KCNQ1: variants seen among roughly 807,000 people sequenced by gnomAD.
KCNQ1 encodes potassium voltage-gated channel subfamily Q member 1.
Under a neutral mutation model 72.4 loss-of-function variants are expected in KCNQ1, and 49 were observed. The observed-to-expected ratio is 0.68, with a 90% confidence interval of 0.54 to 0.86. The LOEUF is 0.86. KCNQ1 is among the 40% of genes least tolerant of loss of function. KCNQ1 has a pLI of 0.00. For synonymous variants in KCNQ1, 450 were observed against 412.6 expected (o/e 1.09, Z -1.10); for missense variants, 790 against 945.1 (o/e 0.84, Z 2.15).
At chr11:2,643,628 A>C in intron 10 of KCNQ1, 1 of 398,480 alleles carries the variant, frequency 2.5e-6, no homozygotes, top group South Asian at 1.3e-4. Flanking sequence ...TTAAGTAGAA[A>C]GTTTAATCTA....
At chr11:2,714,049 T>C (rs887550783) in intron 11 of KCNQ1, among the ~76,000 whole-genome samples, 46 of 151,772 alleles carry the variant, frequency 3.0e-4, no homozygotes, top group African/African-American at 1.1e-3. Context: ...ACACAGGCAG[T>C]CTCCACAGAG....
At position 2,492,680 on chromosome 11, in the gene KCNQ1, A is replaced by T. The variant is rs4930114; in HGVS notation, c.387-35248A>T. ...AGCTTCATCCCCACAAAAGACATGA[A>T]CTCATTCTTTTTTTATGGCTGCATA... On this transcript the variant is annotated intron_variant, in intron 1 of 15. Coordinates refer to ENST00000155840, the MANE Select transcript of KCNQ1 (RefSeq NM_000218.3). This position sits in a 1 kb window ranked among gnomAD's most constrained non-coding sequence, Gnocchi z 4.1. Among the ~76,000 whole-genome samples the T allele has an allele frequency of 0.56, 84,427 of 151,848 alleles. 24,648 individuals carry two copies. Among genetic ancestry groups the T allele is most frequent in the Non-Finnish European group, 0.65 (44,019 of 67,928 alleles).
Position 2,588,829 on chromosome 11 carries a change from C to T in KCNQ1, c.1368C>T (p.Phe456=). Residue 456 remains phenylalanine, a synonymous_variant, in exon 10 of 16, where the codon TTC becomes TTT. Coordinates refer to ENST00000155840, the MANE Select transcript of KCNQ1 (RefSeq NM_000218.3). The surrounding 1 kb of genome is among the most constrained non-coding windows in gnomAD (Gnocchi z 5.6). ...DPPEERRLDH[F]SVDGYDSSVR... ...CAGAAGAGCGGCGGCTGGACCACTTCTCTGTCGACGGCTATGACAGTTCTG... is the reference window on the plus strand; with the variant it reads ...CAGAAGAGCGGCGGCTGGACCACTTTTCTGTCGACGGCTATGACAGTTCTG... 1.2e-6 allele frequency: 2 copies of T among 1,612,480 alleles called. No individual in the cohort carries two copies. Among genetic ancestry groups the T allele is most frequent in the Non-Finnish European group, 1.7e-6 (2 of 1,179,858 alleles).
chr11:2,646,943 T>C (rs1290967143), intron 10 of KCNQ1: 2 of 398,552 alleles, frequency 5.0e-6, no homozygotes, highest in Non-Finnish European at 8.8e-6. Flanking sequence ...CAAAGGACAA[T>C]ATGACATTCT....
chr11:2,786,311 A>G (rs1846912083), intron 15 of KCNQ1, among the ~76,000 whole-genome samples: 1 of 152,176 alleles, frequency 6.6e-6, no homozygotes, highest in Admixed American at 6.5e-5. Flanking sequence ...GAAGATGATG[A>G]ATTGTTGCTC....
chr11:2,578,096 C>T (rs1017688761), intron 6 of KCNQ1, among the ~76,000 whole-genome samples: 2 of 152,228 alleles, frequency 1.3e-5, no homozygotes, highest in African/African-American at 4.8e-5. Flanking sequence ...GTCTCTAAGT[C>T]TGCAAGGGGC....
At chr11:2,727,923 G>C (rs372203869) in intron 11 of KCNQ1, among the ~76,000 whole-genome samples, 5 of 152,216 alleles carry the variant, frequency 3.3e-5, no homozygotes, top group African/African-American at 1.2e-4. Context: ...GATGGCCCCC[G>C]GGGCCGCGCT....
rs966822862 is a variant in KCNQ1, at chr11:2,683,218, G to A, written c.1514+21137G>A. The A allele has an allele frequency of 7.5e-6, 3 of 398,554 alleles. No homozygotes were observed. Among genetic ancestry groups the A allele is most frequent in the African/African-American group, 6.2e-5 (3 of 48,632 alleles). 24.7% of individuals were successfully genotyped at this position (398,554 alleles called of 1,614,324 possible). ...CAGCTCATGCATTGTGATGGAACTA[G>A]AGGTGAGATACAGAGCAGGAGTCCA... On this transcript the variant is annotated intron_variant, in intron 11 of 15. Coordinates refer to ENST00000155840, the MANE Select transcript of KCNQ1 (RefSeq NM_000218.3). This position sits in a 1 kb window ranked among gnomAD's most constrained non-coding sequence, Gnocchi z 4.7.
chr11:2,501,099 C>T (rs1157588548), intron 1 of KCNQ1, among the ~76,000 whole-genome samples: 1 of 151,998 alleles, frequency 6.6e-6, no homozygotes, highest in East Asian at 1.9e-4. Context: ...AGAAAAACTT[C>T]AAGTAAACAA....
chr11:2,689,474 T>C, intron 11 of KCNQ1: 2 of 398,698 alleles, frequency 5.0e-6, no homozygotes, highest in Admixed American at 4.4e-5. Context: ...CTGCTCTGCC[T>C]ACCTGCATTC....
intron 2 of KCNQ1, among the ~76,000 whole-genome samples, chr11:2,556,948 G>A (rs191893290): frequency 1.3e-5 from 2 of 152,346 alleles, no homozygotes; most frequent in Admixed American, 1.3e-4. Context: ...AGGACAGAAA[G>A]AGTCAAATCA....
At chr11:2,753,089 C>T (rs909535994) in intron 11 of KCNQ1, among the ~76,000 whole-genome samples, 2 of 152,196 alleles carry the variant, frequency 1.3e-5, no homozygotes, top group African/African-American at 4.8e-5. Context: ...CGTGCATTCA[C>T]GCAGAACTCT....
rs1846945443 is a variant in KCNQ1, at chr11:2,497,712, G to A, written c.387-30216G>A. 3.3e-5 allele frequency among the ~76,000 whole-genome samples: 5 copies of A among 152,138 alleles called. No homozygotes were observed. The highest frequency in any genetic ancestry group is 3.3e-4 in the Admixed American group (5 of 15,274). On this transcript the variant is annotated intron_variant, in intron 1 of 15. Transcript: ENST00000155840. The surrounding 1 kb of genome is among the most constrained non-coding windows in gnomAD (Gnocchi z 4.5). ...TCCGTCCAGTTTTGTGCCCTTGCTGGAGAGGAGATGTGATCATTTGGAGGA... is the reference window on the plus strand; with the variant it reads ...TCCGTCCAGTTTTGTGCCCTTGCTGAAGAGGAGATGTGATCATTTGGAGGA...
chr11:2,822,055 CAG>C (rs932303150), intron 15 of KCNQ1, among the ~76,000 whole-genome samples: 1 of 152,156 alleles, frequency 6.6e-6, no homozygotes, highest in Admixed American at 6.5e-5. Context: ...GCGGAGAAGA[CAG>C]GGGGATGGAA....
At chr11:2,796,676 C>T (rs984778440) in intron 15 of KCNQ1, among the ~76,000 whole-genome samples, 1 of 152,340 alleles carries the variant, frequency 6.6e-6, no homozygotes, top group Middle Eastern at 3.4e-3. Context: ...AGATAATGGG[C>T]CCACTGAGGT....
rs557045944 is a variant in KCNQ1, at chr11:2,762,983, T to C, written c.1515-5861T>C. 2.6e-5 allele frequency among the ~76,000 whole-genome samples: 4 copies of C among 152,346 alleles called. 1 individual carries two copies. The highest frequency in any genetic ancestry group is 4.1e-4 in the South Asian group (2 of 4,826). On this transcript the variant is annotated intron_variant, in intron 11 of 15. Coordinates refer to ENST00000155840, the MANE Select transcript of KCNQ1 (RefSeq NM_000218.3). The surrounding 1 kb of genome is among the most constrained non-coding windows in gnomAD (Gnocchi z 4.3). ...TAGGAGTGTCAGACCTCTGACTTTG[T>C]TGTTCTTCAAGATCGTCTTGGCTAT...
At position 2,725,554 on chromosome 11, in the gene KCNQ1, T is replaced by G. The variant is rs891822718; in HGVS notation, c.1515-43290T>G. ...GTTTAGGAAGTGCATTCACGTGAAG[T>G]CGCCAAGTTCAAAGGGCTGCCCCTG... On this transcript the variant is annotated intron_variant, in intron 11 of 15. Transcript: ENST00000155840. The surrounding 1 kb of genome is among the most constrained non-coding windows in gnomAD (Gnocchi z 7.2). Among the ~76,000 whole-genome samples the G allele has an allele frequency of 2.1e-4, 32 of 152,332 alleles. No individual in the cohort carries two copies. The highest frequency in any genetic ancestry group is 7.7e-4 in the African/African-American group (32 of 41,574).
Position 2,581,688 on chromosome 11 carries a change from C to T in KCNQ1, c.922-1747C>T, listed in dbSNP as rs140753023. ...TCACATGACCTTGTCATCTGTGTGA[C>T]GCACGTGCGTGTGCCGGGTCGTGTG... On this transcript the variant is annotated intron_variant, in intron 6 of 15. Transcript: ENST00000155840. Among the ~76,000 whole-genome samples the T allele has an allele frequency of 1.0e-3, 158 of 152,372 alleles. 2 individuals carry two copies. The East Asian group carries it at 0.026, about 25-fold the overall frequency.
chr11:2,733,857 C>CTCTCTCTCTCTCGCTCTTTCTCTCT (rs147278439), intron 11 of KCNQ1, among the ~76,000 whole-genome samples: 1 of 76,322 alleles, frequency 1.3e-5, no homozygotes, highest in Non-Finnish European at 2.5e-5. Flanking sequence ...CTCTCTCTCT[C>CTCTCTCTCTCTCGCTCTTTCTCTCT]CCCCCCCACT....
Sources: allele counts gnomAD v4.1 joint callset (sites outside exome capture counted in the v4.1 genomes callset), GRCh38; gene constraint gnomAD v4.1.1; non-coding constraint Gnocchi (gnomAD v3.1); transcripts MANE v1.5; gene names NCBI Gene and HGNC (gene_info 2026-07-23, HGNC 2026-07-21).